Variants in FAM135B observed in about 807,000 individuals in gnomAD.
The protein encoded by FAM135B is family with sequence similarity 135 member B.
In FAM135B, 43 loss-of-function variants were observed where a neutral mutation model predicts 127.7. The ratio of observed to expected loss-of-function variants is 0.34; its 90% CI spans 0.26 to 0.43. The LOEUF is 0.43. Ranked by LOEUF, FAM135B falls within the 20% of genes least tolerant of loss-of-function variation. The probability of loss-of-function intolerance (pLI) is 1.00; values close to 1 mark genes in which losing one functional copy is unlikely to be tolerated. For synonymous variants in FAM135B, 670 were observed against 665.1 expected, an observed-to-expected ratio of 1.01 and a Z score of -0.11; for missense variants, 1,558 against 1,725.6, an observed-to-expected ratio of 0.90 and a Z score of 1.72.
Position 138,132,562 on chromosome 8 carries a change from G to C in FAM135B, c.*31C>G, listed in dbSNP as rs187801388. On this transcript the variant is annotated 3_prime_UTR_variant, in exon 20 of 20. Transcript: ENST00000395297. The surrounding 1 kb of genome is among the most constrained non-coding windows in gnomAD (Gnocchi z 4.5). ...AGCTAAAGCTCTCCACCGATCGTAA[G>C]CATTACCAAAGACCTGCTCCCTCAA... is the stretch of plus-strand genomic sequence containing the variant. 1 of 1,569,122 alleles carries C rather than the reference G, an allele frequency of 6.4e-7. No individual in the cohort carries two copies. Among genetic ancestry groups the C allele is most frequent in the Non-Finnish European group, 8.8e-7 (1 of 1,139,672 alleles).
intron 9 of FAM135B, among the ~76,000 whole-genome samples, chr8:138,181,491 G>A (rs573994401): frequency 2.0e-5 from 3 of 152,060 alleles, no homozygotes; most frequent in African/African-American, 7.2e-5. Context: ...GTGCACTCCC[G>A]TTCCCAGCCA....
chr8:138,207,136 G>T (rs913240636), intron 7 of FAM135B, among the ~76,000 whole-genome samples: 1 of 152,086 alleles, frequency 6.6e-6, no homozygotes, highest in Non-Finnish European at 1.5e-5. Context: ...TGGAAATCAG[G>T]GAGAAAATAT....
intron 1 of FAM135B, among the ~76,000 whole-genome samples, chr8:138,430,315 G>A (rs2131502452): frequency 6.6e-6 from 1 of 152,274 alleles, no homozygotes; most frequent in South Asian, 2.1e-4. Flanking sequence ...TTCTTCCGAA[G>A]CTCAGAAGAA....
At chr8:138,208,403 C>T (rs148746830) in intron 7 of FAM135B, among the ~76,000 whole-genome samples, 1,735 of 152,276 alleles carry the variant, frequency 0.011, 39 homozygotes, top group African/African-American at 0.039. Context: ...CAGACCTCAG[C>T]AATCTTTTTG....
intron 1 of FAM135B, among the ~76,000 whole-genome samples, chr8:138,452,188 G>C (rs1043541381): frequency 1.4e-5 from 2 of 142,258 alleles, no homozygotes; most frequent in Non-Finnish European, 3.0e-5. Context: ...GGAGTGCAGT[G>C]GCATGATCTC....
intron 5 of FAM135B, among the ~76,000 whole-genome samples, chr8:138,256,315 G>A (rs542680640): frequency 6.6e-6 from 1 of 152,162 alleles, no homozygotes; most frequent in African/African-American, 2.4e-5. Context: ...TAGAATCCTG[G>A]AAGAATCTCC....
intron 7 of FAM135B, among the ~76,000 whole-genome samples, chr8:138,239,046 G>T (rs1251263048): frequency 1.3e-5 from 2 of 152,158 alleles, no homozygotes; most frequent in Non-Finnish European, 2.9e-5. Context: ...AAAAGAAAAT[G>T]CTATACTGTA....
intron 2 of FAM135B, among the ~76,000 whole-genome samples, chr8:138,331,863 G>A (rs1563906068): frequency 6.6e-6 from 1 of 152,146 alleles, no homozygotes; most frequent in Admixed American, 6.5e-5. Flanking sequence ...GCCCTGTTGT[G>A]TCCATGATGG....
chr8:138,375,866 G>A (rs1221921020), intron 1 of FAM135B, among the ~76,000 whole-genome samples: 1 of 152,154 alleles, frequency 6.6e-6, no homozygotes, highest in Non-Finnish European at 1.5e-5. Context: ...AACAGGGCAA[G>A]GAGATGGCAT....
At position 138,242,765 on chromosome 8, in the gene FAM135B, T is replaced by C. The variant is rs572645666; in HGVS notation, c.669+177A>G. 3.9e-4 allele frequency among the ~76,000 whole-genome samples: 59 copies of C among 152,194 alleles called. No individual in the cohort carries two copies. Among genetic ancestry groups the C allele is most frequent in the African/African-American group, 1.3e-3 (56 of 41,514 alleles). On this transcript the variant is annotated intron_variant, in intron 7 of 19. Coordinates refer to ENST00000395297, the MANE Select transcript of FAM135B (RefSeq NM_015912.4). The surrounding 1 kb of genome is among the most constrained non-coding windows in gnomAD (Gnocchi z 9.6). ...CTATCCCAGGGCTTGGCCTTAGAAATATGTCTGATAGAGCTTGTAGTGATA... is the reference window on the plus strand; with the variant it reads ...CTATCCCAGGGCTTGGCCTTAGAAACATGTCTGATAGAGCTTGTAGTGATA...
intron 6 of FAM135B, among the ~76,000 whole-genome samples, chr8:138,244,456 A>T (rs966789701): frequency 1.3e-5 from 2 of 152,194 alleles, no homozygotes; most frequent in African/African-American, 4.8e-5. Flanking sequence ...AGAAGGTTTG[A>T]TACCAGCACC....
chr8:138,419,385 T>A (rs1272398549), intron 1 of FAM135B, among the ~76,000 whole-genome samples: 1 of 152,018 alleles, frequency 6.6e-6, no homozygotes. Flanking sequence ...ACAAAGACAA[T>A]TAAATAGCCA....
chr8:138,228,742 G>A (rs1819671041), intron 7 of FAM135B, among the ~76,000 whole-genome samples: 1 of 152,250 alleles, frequency 6.6e-6, no homozygotes, highest in East Asian at 1.9e-4. Flanking sequence ...ATGGGACTTA[G>A]GAAAAGGAGG....
chr8:138,369,179 C>A (rs188912583), intron 1 of FAM135B, among the ~76,000 whole-genome samples: 18 of 152,198 alleles, frequency 1.2e-4, no homozygotes, highest in Middle Eastern at 3.4e-3. Context: ...ATATACCTGG[C>A]ACCTAGCAGG....
rs373563476 is a variant in FAM135B, at chr8:138,152,002, C to T, written c.2473G>A (p.Ala825Thr). The T allele has an allele frequency of 5.0e-6, 8 of 1,613,942 alleles. No individual in the cohort carries two copies. The highest frequency in any genetic ancestry group is 6.8e-6 in the Non-Finnish European group (8 of 1,180,008). The change falls in exon 13 of 20, where the codon GCA becomes ACA. Residue 825 changes from alanine to threonine, a missense_variant. Ala to Thr is a moderately conservative substitution (Grantham distance 58). This residue lies in a region of FAM135B where 923 missense variants were observed against 865.3 expected (regional missense o/e 1.07). Coordinates refer to ENST00000395297, the MANE Select transcript of FAM135B (RefSeq NM_015912.4). ...LCGDSGTDAG[A>T]DHPLVEIVLD... is the part of the protein sequence containing the mutation. ...ACTATCTCCACCAGGGGATGGTCTG[C>T]TCCAGCATCTGTTCCAGAGTCACCA... is the stretch of plus-strand genomic sequence containing the variant.
In FAM135B at chr8:138,131,263, C is replaced by G. The variant is rs1436733205; in HGVS notation, c.*1330G>C. ...GCTTTCATCTCCAAAAGATTAGGCT[C>G]CTGTCTTACTTATCCCTACTGTCCA... On this transcript the variant is annotated 3_prime_UTR_variant, in exon 20 of 20. Transcript: ENST00000395297. 1.3e-5 allele frequency: 2 copies of G among 151,996 alleles called. No homozygotes were observed. Among genetic ancestry groups the G allele is most frequent in the African/African-American group, 4.8e-5 (2 of 41,278 alleles). The allele number at this position is 151,996 out of a possible 1,614,324, so 9.4% of individuals were successfully genotyped here.
At position 138,153,122 on chromosome 8, in the gene FAM135B, A is replaced by G. The variant is rs1396435305; in HGVS notation, c.1353T>C (p.Asn451=). 1.9e-6 allele frequency: 3 copies of G among 1,613,838 alleles called. No homozygotes were observed. The highest frequency in any genetic ancestry group is 1.3e-5 in the African/African-American group (1 of 74,900). The change falls in exon 13 of 20, where the codon AAT becomes AAC. Residue 451 remains asparagine, a synonymous_variant. Transcript: ENST00000395297. ...LKDKEDNCMV[N]SNLSFREDLV... The stretch of plus-strand genomic sequence containing the variant: ...GGTCTTCCCTAAAAGATAAATTGCT[A>G]TTTACCATACAGTTATCTTCCTTGT...
chr8:138,418,350 A>C (rs2131439774), intron 1 of FAM135B, among the ~76,000 whole-genome samples: 1 of 152,302 alleles, frequency 6.6e-6, no homozygotes, highest in African/African-American at 2.4e-5. Flanking sequence ...AGAGGGAGCA[A>C]GCAACTTTGA....
rs923627418 is a variant in FAM135B, at chr8:138,496,980, G to A, written c.-329C>T. 1.3e-5 allele frequency among the ~76,000 whole-genome samples: 2 copies of A among 151,946 alleles called. No individual in the cohort carries two copies. Among genetic ancestry groups the A allele is most frequent in the African/African-American group, 4.8e-5 (2 of 41,384 alleles). Reference sequence around the variant, plus strand: ...GCCGCGGCCTCCGGGCAGCCCCAGCGAGCAGGCGCCAGGACGCGAGGCTGT... The same window carrying A: ...GCCGCGGCCTCCGGGCAGCCCCAGCAAGCAGGCGCCAGGACGCGAGGCTGT... On this transcript the variant is annotated 5_prime_UTR_variant, in exon 1 of 20. Coordinates refer to ENST00000395297, the MANE Select transcript of FAM135B (RefSeq NM_015912.4).
Sources: gnomAD v4.1 joint callset for allele counts (sites outside exome capture counted in the v4.1 genomes callset) on GRCh38, gnomAD v4.1.1 for gene constraint, gnomAD v4.1.1 regional missense constraint, Gnocchi (gnomAD v3.1) non-coding constraint, MANE v1.5 for transcripts, NCBI Gene and HGNC (gene_info 2026-07-23, HGNC 2026-07-21) for gene names.